Variants in MYBPC1 observed in about 807,000 individuals in gnomAD.
MYBPC1 encodes the protein myosin-binding protein C, slow-type.
MYBPC1 carries 52 observed loss-of-function variants against 147.1 expected under a neutral mutation model. That is an observed-to-expected ratio of 0.35 (90% confidence interval 0.28 to 0.45). The LOEUF (loss-of-function observed/expected upper bound fraction) is 0.45. Among genes scored for constraint, MYBPC1 ranks in the 20% least tolerant of loss-of-function variants. MYBPC1 has a pLI of 1.00. For synonymous variants in MYBPC1, 477 were observed against 475.9 expected, an observed-to-expected ratio of 1.00 and a Z score of -0.03; for missense variants, 1,228 against 1,440.3, an observed-to-expected ratio of 0.85 and a Z score of 2.39.
At chr12:101,662,631 G>C in intron 21 of MYBPC1, 85 bp downstream of exon 21, 1 of 1,448,976 alleles carries the variant, frequency 6.9e-7, no homozygotes, top group Non-Finnish European at 9.7e-7. Context: ...ACTGGAACAG[G>C]CCTGGACACT....
At chr12:101,602,010 T>G (rs1880217312) in intron 1 of MYBPC1, among the ~76,000 whole-genome samples, 1 of 152,216 alleles carries the variant, frequency 6.6e-6, no homozygotes, top group South Asian at 2.1e-4. Flanking sequence ...TTAAATATTA[T>G]GCATTATTAA....
intron 1 of MYBPC1, among the ~76,000 whole-genome samples, chr12:101,612,055 G>A (rs192646298): frequency 0.02 from 2,938 of 144,978 alleles, 61 homozygotes; most frequent in Non-Finnish European, 0.024. Flanking sequence ...CCAGCCTGGC[G>A]ACAGAGCGAG....
intron 16 of MYBPC1, among the ~76,000 whole-genome samples, chr12:101,651,943 A>T (rs1481281499): frequency 6.6e-6 from 1 of 152,202 alleles, no homozygotes; most frequent in Non-Finnish European, 1.5e-5. Context: ...CTCTAAAATA[A>T]ATAATAAACA....
Position 101,659,774 on chromosome 12 carries a change from A to G in MYBPC1, c.1870A>G (p.Ile624Val). The change falls in exon 19 of 32, where the codon ATC (isoleucine) becomes GTC (valine). Residue 624 changes from isoleucine to valine, a missense_variant. By Grantham distance (29) the Ile-to-Val change is conservative (BLOSUM62 3). Transcript: ENST00000361466. ...AAGAGATGACTCTGGTGTTTACCAC[A>G]TCAATCTGAAAAACGAAGCTGGAGA... is the stretch of plus-strand genomic sequence containing the variant. ...AERDDSGVYHINLKNEAGEAH... is the reference protein window; with the variant it reads ...AERDDSGVYHVNLKNEAGEAH... The G allele has an allele frequency of 1.2e-6, 2 of 1,614,174 alleles. No homozygotes were observed. Among genetic ancestry groups the G allele is most frequent in the East Asian group, 4.5e-5 (2 of 44,872 alleles).
At chr12:101,644,427 T>C (rs1892654687) in intron 11 of MYBPC1, among the ~76,000 whole-genome samples, 1 of 152,224 alleles carries the variant, frequency 6.6e-6, no homozygotes, top group Non-Finnish European at 1.5e-5. Context: ...TCTTCAATGA[T>C]TCTTTTCTTA....
chr12:101,683,407 T>C (rs1182148588), intron 30 of MYBPC1, among the ~76,000 whole-genome samples: 1 of 152,074 alleles, frequency 6.6e-6, no homozygotes, highest in Non-Finnish European at 1.5e-5. Context: ...GGTGACAAAG[T>C]GAGACTTTGT....
chr12:101,609,593 A>T (rs557286759), intron 1 of MYBPC1, among the ~76,000 whole-genome samples: 2 of 152,188 alleles, frequency 1.3e-5, no homozygotes, highest in South Asian at 4.2e-4. Context: ...ACTGCTGCAG[A>T]CTCCAAGAGT....
At chr12:101,623,728 A>G (rs1284453986) in intron 3 of MYBPC1, among the ~76,000 whole-genome samples, 1 of 152,228 alleles carries the variant, frequency 6.6e-6, no homozygotes, top group Non-Finnish European at 1.5e-5. Context: ...AATCTTATAT[A>G]TTTCAGTAAA....
At chr12:101,633,455 G>A (rs1001649717) in intron 8 of MYBPC1, among the ~76,000 whole-genome samples, 3 of 152,104 alleles carry the variant, frequency 2.0e-5, no homozygotes, top group South Asian at 2.1e-4. Flanking sequence ...TTGGGAGGCC[G>A]GGGCGGGCAG....
intron 10 of MYBPC1, among the ~76,000 whole-genome samples, chr12:101,641,792 A>G (rs1298213725): frequency 6.6e-6 from 1 of 151,888 alleles, no homozygotes; most frequent in African/African-American, 2.4e-5. Context: ...CATAAAAACC[A>G]TGTGAAAAAC....
chr12:101,632,181 G>C, intron 8 of MYBPC1, 43 bp downstream of exon 8: 1 of 1,292,512 alleles, frequency 7.7e-7, no homozygotes, highest in Non-Finnish European at 1.1e-6. Flanking sequence ...TTTTTTAATG[G>C]GGTGTGAGGG....
intron 3 of MYBPC1, 94 bp downstream of exon 3, chr12:101,617,337 C>A: frequency 7.5e-7 from 1 of 1,330,490 alleles, no homozygotes; most frequent in Non-Finnish European, 1.1e-6. Context: ...CATAGAATTT[C>A]TCTGCATTAT....
intron 10 of MYBPC1, among the ~76,000 whole-genome samples, chr12:101,640,699 G>A (rs1593836988): frequency 6.6e-6 from 1 of 152,154 alleles, no homozygotes; most frequent in African/African-American, 2.4e-5. Context: ...TAAAATGGAA[G>A]TTAGATATTC....
intron 1 of MYBPC1, among the ~76,000 whole-genome samples, chr12:101,613,030 G>T (rs1246513806): frequency 2.6e-5 from 4 of 152,100 alleles, no homozygotes; most frequent in Admixed American, 6.5e-5. Context: ...TATGTTTTTT[G>T]TCTTTTGGTT....
rs538308777 is a variant in MYBPC1 at position 101,612,766 on chromosome 12, G to A, written c.26-1730G>A. Among the ~76,000 whole-genome samples, 73 of 152,320 alleles carry A rather than the reference G, an allele frequency of 4.8e-4. No individual in the cohort carries two copies. The South Asian group carries it at 0.015, about 30-fold the overall frequency. On this transcript the variant is annotated intron_variant, in intron 1 of 31. Transcript: ENST00000361466. ...TCTCGCTCTCAGTATTCTGATATCC[G>A]TGTGCTGCAACAACTTATTCAAAGC...
intron 20 of MYBPC1, 92 bp from the exon 21 acceptor site, chr12:101,662,266 A>C: frequency 7.5e-7 from 1 of 1,336,394 alleles, no homozygotes; most frequent in Non-Finnish European, 1.0e-6. Context: ...GATTGATGAC[A>C]AAATGCAAAA....
intron 1 of MYBPC1, among the ~76,000 whole-genome samples, chr12:101,609,180 G>A (rs1000047576): frequency 1.3e-5 from 2 of 152,146 alleles, no homozygotes; most frequent in African/African-American, 2.4e-5. Context: ...GGAGTGGAAC[G>A]GGTGATATTT....
At chr12:101,603,403 G>T (rs1880898994) in intron 1 of MYBPC1, among the ~76,000 whole-genome samples, 1 of 151,992 alleles carries the variant, frequency 6.6e-6, no homozygotes, top group Admixed American at 6.6e-5. Flanking sequence ...GGTGGATAGG[G>T]TCTTCCTCAG....
At chr12:101,631,999 G>T (rs984452257) in intron 7 of MYBPC1, 22 bp from the exon 8 acceptor site, 1 of 1,540,036 alleles carries the variant, frequency 6.5e-7, no homozygotes, top group Admixed American at 1.7e-5. Flanking sequence ...AAATGTGTGT[G>T]TCTGGATGCA....
Sources: allele counts gnomAD v4.1 joint callset (sites outside exome capture counted in the v4.1 genomes callset), GRCh38; gene constraint gnomAD v4.1.1; transcripts MANE v1.5; gene names NCBI Gene and HGNC (gene_info 2026-07-23, HGNC 2026-07-21).